Variants in MYOZ2 observed in about 807,000 individuals in gnomAD.
MYOZ2 encodes the protein myozenin-2.
A neutral mutation model predicts 25.4 loss-of-function variants in MYOZ2; 19 were observed. The observed-to-expected ratio is 0.75, with a 90% CI of 0.52 to 1.10. The LOEUF (loss-of-function observed/expected upper bound fraction) is 1.10. Among genes scored for constraint, MYOZ2 ranks in the 50% least tolerant of loss-of-function variants. The probability of loss-of-function intolerance (pLI) is 0.00; values close to 1 mark genes in which losing one functional copy is unlikely to be tolerated. For synonymous variants in MYOZ2, 92 were observed against 106.9 expected, an observed-to-expected ratio of 0.86 and a Z score of 0.86; for missense variants, 270 against 317.9, an observed-to-expected ratio of 0.85 and a Z score of 1.15.
intron 5 of MYOZ2, among the ~76,000 whole-genome samples, chr4:119,165,800 A>G (rs1741811800): frequency 6.6e-6 from 1 of 152,190 alleles, no homozygotes; most frequent in African/African-American, 2.4e-5. Context: ...AGTGCTTAAG[A>G]CATGCTGTAA....
chr4:119,171,229 T>A (rs1001623868), intron 5 of MYOZ2, among the ~76,000 whole-genome samples: 2 of 152,210 alleles, frequency 1.3e-5, no homozygotes, highest in East Asian at 3.9e-4. Context: ...ATTATGTCCA[T>A]AGAAAATTTA....
At position 119,135,862 on chromosome 4, in the gene MYOZ2, T is replaced by C. The variant is rs1741011510; in HGVS notation, c.-135T>C. The C allele has an allele frequency of 6.4e-6, 1 of 156,074 alleles. No individual in the cohort carries two copies. The highest frequency in any genetic ancestry group is 1.4e-5 in the Non-Finnish European group (1 of 70,744). The allele number at this position is 156,074 out of a possible 1,614,324, so 9.7% of individuals were successfully genotyped here. ...CCAGTTTGAGTCAGAGTAGGGACCA[T>C]GCTGTCCCAGGTTCAAGGATAAAAA... is the stretch of plus-strand genomic sequence containing the variant. On this transcript the variant is annotated 5_prime_UTR_variant, in exon 1 of 6. An upstream start codon of the reference 5' UTR is lost. Transcript: ENST00000307128.
At chr4:119,185,681 GC>G (rs1742277051) in intron 5 of MYOZ2, among the ~76,000 whole-genome samples, 1 of 152,170 alleles carries the variant, frequency 6.6e-6, no homozygotes, top group Non-Finnish European at 1.5e-5. Flanking sequence ...TCTGTAATGA[GC>G]TCAGTGTACA....
chr4:119,159,613 T>C (rs1176911005), intron 4 of MYOZ2, among the ~76,000 whole-genome samples: 1 of 152,128 alleles, frequency 6.6e-6, no homozygotes, highest in African/African-American at 2.4e-5. Context: ...AAATTTAAAA[T>C]AGTTATATCT....
intron 2 of MYOZ2, among the ~76,000 whole-genome samples, chr4:119,139,610 TG>T (rs1269803199): frequency 6.6e-6 from 1 of 152,034 alleles, no homozygotes; most frequent in Admixed American, 6.6e-5. Context: ...GATAAAGAGA[TG>T]GGGCAATCAG....
At chr4:119,153,271 C>T (rs191111915) in intron 3 of MYOZ2, among the ~76,000 whole-genome samples, 28 of 152,210 alleles carry the variant, frequency 1.8e-4, no homozygotes, top group African/African-American at 5.5e-4. Context: ...TAGATTGCAA[C>T]TTGAAAGGTT....
intron 2 of MYOZ2, among the ~76,000 whole-genome samples, chr4:119,150,426 G>C (rs1422054240): frequency 4.0e-5 from 6 of 151,800 alleles, no homozygotes; most frequent in Non-Finnish European, 7.4e-5. Context: ...TTTTGACCGA[G>C]TCTGGGAAAT....
At chr4:119,142,725 T>G (rs1158973800) in intron 2 of MYOZ2, among the ~76,000 whole-genome samples, 1 of 152,204 alleles carries the variant, frequency 6.6e-6, no homozygotes, top group Admixed American at 6.5e-5. Context: ...AGTATAAAAA[T>G]TTTTAAACAT....
At chr4:119,146,879 A>C (rs1741312916) in intron 2 of MYOZ2, among the ~76,000 whole-genome samples, 2 of 152,182 alleles carry the variant, frequency 1.3e-5, no homozygotes, top group Middle Eastern at 3.4e-3. Flanking sequence ...TTTTTACTTT[A>C]AATATTTTAT....
chr4:119,137,269 C>G (rs1741051955), intron 2 of MYOZ2, among the ~76,000 whole-genome samples: 1 of 152,058 alleles, frequency 6.6e-6, no homozygotes, highest in Admixed American at 6.6e-5. Context: ...TCTTTAAATT[C>G]TAGCAACTAA....
chr4:119,145,544 G>GTGTA (rs767482581), intron 2 of MYOZ2, among the ~76,000 whole-genome samples: 1 of 134,670 alleles, frequency 7.4e-6, no homozygotes, highest in South Asian at 2.4e-4. Flanking sequence ...GTGTGTGTGT[G>GTGTA]TGTGTTTTTG....
intron 5 of MYOZ2, among the ~76,000 whole-genome samples, chr4:119,176,133 G>C (rs1373486190): frequency 2.6e-5 from 4 of 151,996 alleles, no homozygotes; most frequent in African/African-American, 9.7e-5. Flanking sequence ...CAATTTTTTC[G>C]TGTTTGATTC....
chr4:119,150,617 C>G (rs1741425460), intron 2 of MYOZ2, among the ~76,000 whole-genome samples: 1 of 151,844 alleles, frequency 6.6e-6, no homozygotes, highest in African/African-American at 2.4e-5. Flanking sequence ...CTTTTTAATT[C>G]ACACTATGTG....
At chr4:119,154,378 A>T (rs76821880) in intron 3 of MYOZ2, among the ~76,000 whole-genome samples, 3 of 152,128 alleles carry the variant, frequency 2.0e-5, no homozygotes, top group African/African-American at 7.2e-5. Flanking sequence ...AAGGAATTGC[A>T]GATGATGGAA....
rs2149231043 is a variant in MYOZ2, at chr4:119,187,081, A to T, written c.*881A>T. The T allele has an allele frequency of 6.6e-6, 1 of 152,296 alleles. No homozygotes were observed. The highest frequency in any genetic ancestry group is 6.5e-5 in the Admixed American group (1 of 15,304). 9.4% of individuals were successfully genotyped at this position (152,296 alleles called of 1,614,324 possible). On this transcript the variant is annotated 3_prime_UTR_variant, in exon 6 of 6. Coordinates refer to ENST00000307128, the MANE Select transcript of MYOZ2 (RefSeq NM_016599.5). ...GCAGCTTTCTTTGCTAAATCTTTAA[A>T]TTCTGTTAAGATCCTCAAGTAACTG...
intron 5 of MYOZ2, among the ~76,000 whole-genome samples, chr4:119,172,202 AC>A (rs576715624): frequency 6.6e-6 from 1 of 151,760 alleles, no homozygotes; most frequent in Admixed American, 6.6e-5. Context: ...GAGGCTTGTA[AC>A]CCCCCAAAGG....
chr4:119,147,470 G>T (rs1192257362), intron 2 of MYOZ2, among the ~76,000 whole-genome samples: 2 of 152,062 alleles, frequency 1.3e-5, no homozygotes, highest in African/African-American at 4.8e-5. Context: ...GCCAGGCACG[G>T]TGGCTCATGC....
chr4:119,146,928 G>T (rs1741313801), intron 2 of MYOZ2, among the ~76,000 whole-genome samples: 1 of 151,874 alleles, frequency 6.6e-6, no homozygotes, highest in South Asian at 2.1e-4. Context: ...GGATTTCTAG[G>T]CAATCTTTGT....
At chr4:119,146,061 C>G (rs568646288) in intron 2 of MYOZ2, among the ~76,000 whole-genome samples, 24 of 152,216 alleles carry the variant, frequency 1.6e-4, no homozygotes, top group African/African-American at 5.3e-4. Context: ...TCTGCAGTGT[C>G]TGTAATGATA....
Sources: gnomAD v4.1 joint callset for allele counts (sites outside exome capture counted in the v4.1 genomes callset) on GRCh38, gnomAD v4.1.1 for gene constraint, MANE v1.5 for transcripts, NCBI Gene and HGNC (gene_info 2026-07-23, HGNC 2026-07-21) for gene names.